Variants in LRBA observed in about 807,000 individuals in gnomAD.
The protein encoded by LRBA is LPS responsive beige-like anchor protein, also known as lipopolysaccharide-responsive and beige-like anchor protein.
A neutral mutation model predicts 330.0 loss-of-function variants in LRBA; 176 were observed. The ratio of observed to expected loss-of-function variants is 0.53; its 90% confidence interval spans 0.47 to 0.60. The LOEUF (loss-of-function observed/expected upper bound fraction) is 0.60. Ranked by LOEUF, LRBA falls within the 20% of genes least tolerant of loss-of-function variation. The pLI, the probability that LRBA is intolerant of heterozygous loss-of-function variation, is 0.00. For synonymous variants in LRBA, 1,230 were observed against 1,193.0 expected, an observed-to-expected ratio of 1.03 and a Z score of -0.64; for missense variants, 3,259 against 3,444.8, an observed-to-expected ratio of 0.95 and a Z score of 1.35.
At chr4:150,849,936 C>T (rs1430607134) in intron 24 of LRBA, among the ~76,000 whole-genome samples, 1 of 151,956 alleles carries the variant, frequency 6.6e-6, no homozygotes, top group Non-Finnish European at 1.5e-5. Flanking sequence ...TCTGTAATGC[C>T]TATAAAATGC....
chr4:150,981,995 A>G (rs544014718), intron 2 of LRBA, among the ~76,000 whole-genome samples: 1 of 151,826 alleles, frequency 6.6e-6, no homozygotes. Flanking sequence ...CCTGTTTCAT[A>G]GTTTAATAAA....
At chr4:150,805,263 AG>A (rs56191442) in intron 33 of LRBA, among the ~76,000 whole-genome samples, 4 of 136,406 alleles carry the variant, frequency 2.9e-5, no homozygotes, top group Admixed American at 8.2e-5. Flanking sequence ...GAAGGAAACG[AG>A]AAGGAAAGGA....
Position 150,780,819 on chromosome 4 carries a change from G to T in LRBA, c.5580+17262C>A, listed in dbSNP as rs1032212115. On this transcript the variant is annotated intron_variant, in intron 34 of 56. Transcript: ENST00000651943. Reference sequence around the variant, plus strand: ...ATTTTTCCACAGACAAGGGGGTGAGGGGGGGGAATGGTTTCAGGATGATTC... The same window carrying T: ...ATTTTTCCACAGACAAGGGGGTGAGTGGGGGGAATGGTTTCAGGATGATTC... Among the ~76,000 whole-genome samples, 200 of 151,396 alleles carry T rather than the reference G, an allele frequency of 1.3e-3. 5 individuals carry two copies. The highest frequency in any genetic ancestry group is 1.3e-3 in the Non-Finnish European group (87 of 67,788).
chr4:150,344,000 G>A (rs1735933770), intron 48 of LRBA, among the ~76,000 whole-genome samples: 1 of 152,030 alleles, frequency 6.6e-6, no homozygotes, highest in East Asian at 1.9e-4. Context: ...CTCCTGTTCA[G>A]TGCTTATCTC....
At chr4:150,835,462 G>C (rs933817885) in intron 28 of LRBA, among the ~76,000 whole-genome samples, 1 of 152,154 alleles carries the variant, frequency 6.6e-6, no homozygotes, top group African/African-American at 2.4e-5. Flanking sequence ...CCATTTGTTT[G>C]TGTCCTCTTT....
chr4:150,896,519 T>A, intron 15 of LRBA, 63 bp from the exon 16 acceptor site: 1 of 827,492 alleles, frequency 1.2e-6, no homozygotes, highest in Non-Finnish European at 2.0e-6. Flanking sequence ...AGAGAAATTA[T>A]ACACATAGAT....
chr4:150,880,118 A>G (rs953023222), intron 17 of LRBA, among the ~76,000 whole-genome samples: 6 of 152,172 alleles, frequency 3.9e-5, no homozygotes, highest in Admixed American at 1.3e-4. Flanking sequence ...GATCTTTGAC[A>G]AAGTAGAGAA....
chr4:150,913,546 A>G (rs757243697), intron 9 of LRBA, among the ~76,000 whole-genome samples: 5 of 152,330 alleles, frequency 3.3e-5, no homozygotes, highest in East Asian at 3.9e-4. Context: ...TGCTAAATAC[A>G]TTGGGCTGCA....
intron 2 of LRBA, among the ~76,000 whole-genome samples, chr4:150,993,702 C>G (rs1049473718): frequency 1.3e-5 from 2 of 152,092 alleles, no homozygotes; most frequent in Non-Finnish European, 2.9e-5. Context: ...GAGGAAGATG[C>G]AAAAGCAGAA....
intron 9 of LRBA, among the ~76,000 whole-genome samples, chr4:150,910,734 C>T (rs891301266): frequency 6.6e-6 from 1 of 152,070 alleles, no homozygotes; most frequent in Non-Finnish European, 1.5e-5. Context: ...AAGAACTGTA[C>T]TGAATCTGTA....
At chr4:150,508,131 A>C (rs1053631191) in intron 40 of LRBA, among the ~76,000 whole-genome samples, 2 of 148,078 alleles carry the variant, frequency 1.4e-5, no homozygotes, top group Non-Finnish European at 3.0e-5. Context: ...ATGCTAAATG[A>C]CGAGTTAATG....
intron 48 of LRBA, among the ~76,000 whole-genome samples, chr4:150,349,574 C>T (rs1437950738): frequency 6.6e-6 from 1 of 152,056 alleles, no homozygotes; most frequent in African/African-American, 2.4e-5. Flanking sequence ...ACTTCAACCC[C>T]CCCATTAACT....
intron 2 of LRBA, among the ~76,000 whole-genome samples, chr4:150,953,153 A>G (rs1378440196): frequency 6.6e-6 from 1 of 152,212 alleles, no homozygotes; most frequent in African/African-American, 2.4e-5. Context: ...TAACATGCTA[A>G]CTAAATTAAA....
At chr4:150,961,676 A>T (rs1169790322) in intron 2 of LRBA, among the ~76,000 whole-genome samples, 1 of 148,720 alleles carries the variant, frequency 6.7e-6, no homozygotes, top group East Asian at 1.9e-4. Context: ...TGTGAAAAAG[A>T]AGTGCAACAA....
chr4:150,813,540 AT>A (rs1172695707), intron 31 of LRBA, among the ~76,000 whole-genome samples: 3 of 152,078 alleles, frequency 2.0e-5, no homozygotes, highest in Admixed American at 2.0e-4. Context: ...CAAATTCTCA[AT>A]TTTTATGGGT....
chr4:150,848,863 T>C lies in LRBA; in HGVS notation c.4294A>G (p.Lys1432Glu). The C allele has an allele frequency of 1.2e-6, 2 of 1,612,348 alleles. No individual in the cohort carries two copies. The highest frequency in any genetic ancestry group is 8.5e-7 in the Non-Finnish European group (1 of 1,179,052). ...AAAATTCCTCCAGATGACATACTTT[T>C]TTCAGCTTCAATTTCAGTAAAGCCA... ...SLGFTEIEAEKSMSSGGILRQ... is the reference protein window; with the variant it reads ...SLGFTEIEAEESMSSGGILRQ... The change falls in exon 26 of 57, where the codon AAA (lysine) becomes GAA (glutamate). Residue 1432 changes from lysine to glutamate, a missense_variant. By Grantham distance (56) the Lys-to-Glu change is moderately conservative (BLOSUM62 1). Transcript: ENST00000651943.
Position 150,893,153 on chromosome 4 carries a change from TA to T in LRBA, c.2068-5del. On this transcript the variant is annotated splice_polypyrimidine_tract_variant and splice_region_variant and intron_variant, in intron 16 of 56. Transcript: ENST00000651943. ...GGACATCCATTAGATTGTCATCCTA[TA>T]ATCATTTTAGAAATTTTTTTTAAAA... 1.3e-6 allele frequency: 2 copies of T among 1,564,310 alleles called. No homozygotes were observed. The highest frequency in any genetic ancestry group is 1.7e-6 in the Non-Finnish European group (2 of 1,147,330).
intron 40 of LRBA, among the ~76,000 whole-genome samples, chr4:150,506,762 C>T (rs919163716): frequency 4.6e-5 from 7 of 152,074 alleles, no homozygotes; most frequent in African/African-American, 1.5e-4. Context: ...AAAGGGTATT[C>T]GATTAGGAAA....
intron 46 of LRBA, among the ~76,000 whole-genome samples, chr4:150,426,402 T>C (rs1443510354): frequency 6.6e-6 from 1 of 151,976 alleles, no homozygotes; most frequent in Non-Finnish European, 1.5e-5. Flanking sequence ...TAAATGATAA[T>C]CTATTTCAAT....
Sources: gnomAD v4.1 joint callset for allele counts (sites outside exome capture counted in the v4.1 genomes callset) on GRCh38, gnomAD v4.1.1 for gene constraint, MANE v1.5 for transcripts, NCBI Gene and HGNC (gene_info 2026-07-23, HGNC 2026-07-21) for gene names.